Variants in SDK1 observed in about 807,000 individuals in gnomAD.
SDK1 encodes the protein sidekick cell adhesion molecule 1.
In SDK1, 157 loss-of-function variants were observed where a neutral mutation model predicts 245.5. The ratio of observed to expected loss-of-function variants is 0.64; its 90% confidence interval spans 0.56 to 0.73. The LOEUF is 0.73. Ranked by LOEUF, SDK1 falls within the 30% of genes least tolerant of loss-of-function variation. SDK1 has a pLI of 0.00. For missense variants in SDK1, 3,583 were observed against 3,002.3 expected (o/e 1.19, Z -4.52); for synonymous variants, 1,647 against 1,278.5 (o/e 1.29, Z -6.15).
chr7:3,956,507 C>T (rs1271273179), intron 7 of SDK1, among the ~76,000 whole-genome samples: 1 of 152,214 alleles, frequency 6.6e-6, no homozygotes, highest in East Asian at 1.9e-4. Context: ...GGCAGCTCTG[C>T]ACCTGCTCCC....
intron 2 of SDK1, among the ~76,000 whole-genome samples, chr7:3,626,850 A>G (rs572855435): frequency 2.6e-5 from 4 of 152,180 alleles, no homozygotes; most frequent in East Asian, 1.9e-4. Context: ...CTGTAATCCA[A>G]AAGAGCCTAA....
intron 5 of SDK1, among the ~76,000 whole-genome samples, chr7:3,874,198 A>T (rs1405272920): frequency 6.6e-6 from 1 of 151,984 alleles, no homozygotes; most frequent in Non-Finnish European, 1.5e-5. Flanking sequence ...CCCTCATTCT[A>T]CTCGAGGCCT....
intron 1 of SDK1, among the ~76,000 whole-genome samples, chr7:3,606,961 C>T (rs1045893019): frequency 6.6e-6 from 1 of 152,034 alleles, no homozygotes; most frequent in East Asian, 1.9e-4. Flanking sequence ...ATTTTGCAAT[C>T]AGGACACTAA....
chr7:3,978,965 C>G (rs74967832), intron 13 of SDK1, among the ~76,000 whole-genome samples: 2 of 152,174 alleles, frequency 1.3e-5, no homozygotes, highest in Admixed American at 6.5e-5. Context: ...CTGTTTGCCC[C>G]GAGTTTTACA....
rs556073780 is a variant in SDK1 at position 3,868,020 on chromosome 7, G to A, written c.847+46437G>A. ...TCGGAAAAACCCTATTTCATAACTCGAGAGTCATTTTTGTTTGAATGTTTC... is the reference window on the plus strand; with the variant it reads ...TCGGAAAAACCCTATTTCATAACTCAAGAGTCATTTTTGTTTGAATGTTTC... On this transcript the variant is annotated intron_variant, in intron 5 of 44. Transcript: ENST00000404826. Among the ~76,000 whole-genome samples the A allele has an allele frequency of 1.4e-4, 21 of 151,994 alleles. 2 individuals are homozygous for A. Among genetic ancestry groups the A allele is most frequent in the African/African-American group, 3.9e-4 (16 of 41,426 alleles).
chr7:3,850,969 G>A (rs1007710197), intron 5 of SDK1, among the ~76,000 whole-genome samples: 1 of 152,046 alleles, frequency 6.6e-6, no homozygotes, highest in African/African-American at 2.4e-5. Flanking sequence ...TAACAAACCT[G>A]CACGTTGTGC....
At chr7:3,980,361 CT>C (rs1196105820) in intron 13 of SDK1, among the ~76,000 whole-genome samples, 1 of 152,170 alleles carries the variant, frequency 6.6e-6, no homozygotes, top group Admixed American at 6.6e-5. Context: ...GGTTTTCCCC[CT>C]ATTCTCTTTC....
intron 4 of SDK1, among the ~76,000 whole-genome samples, chr7:3,672,296 C>T (rs966465415): frequency 3.7e-4 from 56 of 151,998 alleles, no homozygotes; most frequent in African/African-American, 1.3e-3. Flanking sequence ...ACCCATCACA[C>T]GTTATTCTAT....
chr7:3,543,803 G>A (rs1779125330), intron 1 of SDK1, among the ~76,000 whole-genome samples: 1 of 152,168 alleles, frequency 6.6e-6, no homozygotes, highest in African/African-American at 2.4e-5. Flanking sequence ...CTGTACGAAA[G>A]GATGATCTTT....
Position 4,098,824 on chromosome 7 carries a change from C to CTTTTT in SDK1, c.3325-11815_3325-11811dup, listed in dbSNP as rs58678214. 3.6e-5 allele frequency among the ~76,000 whole-genome samples: 3 copies of CTTTTT among 82,852 alleles called. 1 individual carries two copies. Among genetic ancestry groups the CTTTTT allele is most frequent in the Non-Finnish European group, 6.4e-5 (3 of 47,056 alleles). 54.4% of individuals were successfully genotyped at this position (82,852 alleles called of 152,430 possible). A position where few individuals can be genotyped will look rare whatever the true frequency, so the allele number is the denominator to read the frequency against. On this transcript the variant is annotated intron_variant, in intron 22 of 44. Coordinates refer to ENST00000404826, the MANE Select transcript of SDK1 (RefSeq NM_152744.4). ...GATTACAGGAGCACACCACAATGCC[C>CTTTTT]TTTTTTTTTTTTTTTTTTTTTTTTT...
At chr7:3,325,020 G>T (rs1426989648) in intron 1 of SDK1, among the ~76,000 whole-genome samples, 2 of 152,050 alleles carry the variant, frequency 1.3e-5, no homozygotes, top group African/African-American at 4.8e-5. Context: ...GCAGCTATTA[G>T]TTATGTTTCT....
At chr7:4,032,277 G>T (rs2128159022) in intron 17 of SDK1, among the ~76,000 whole-genome samples, 1 of 152,222 alleles carries the variant, frequency 6.6e-6, no homozygotes, top group South Asian at 2.1e-4. Context: ...TTTGATATTT[G>T]CCAATATTCA....
intron 5 of SDK1, among the ~76,000 whole-genome samples, chr7:3,830,750 G>T (rs1779893995): frequency 6.6e-6 from 1 of 152,128 alleles, no homozygotes; most frequent in Non-Finnish European, 1.5e-5. Flanking sequence ...TCCTGTCTCG[G>T]CCTCCCAAAG....
At chr7:3,489,942 C>G (rs1781818596) in intron 1 of SDK1, among the ~76,000 whole-genome samples, 3 of 152,118 alleles carry the variant, frequency 2.0e-5, no homozygotes, top group South Asian at 4.2e-4. Flanking sequence ...ATAAAATAGT[C>G]AAAGGCTAAT....
chr7:3,716,620 G>C (rs900538940), intron 4 of SDK1, among the ~76,000 whole-genome samples: 5 of 151,836 alleles, frequency 3.3e-5, no homozygotes, highest in African/African-American at 1.2e-4. Flanking sequence ...AATTAGCCAG[G>C]CGTGGTGCAC....
At chr7:4,058,105 A>G (rs1779312201) in intron 19 of SDK1, among the ~76,000 whole-genome samples, 1 of 152,202 alleles carries the variant, frequency 6.6e-6, no homozygotes, top group African/African-American at 2.4e-5. Context: ...AAATAATGAT[A>G]TTAAGGAAAG....
intron 4 of SDK1, among the ~76,000 whole-genome samples, chr7:3,717,333 A>G (rs1201018313): frequency 1.3e-5 from 2 of 152,232 alleles, no homozygotes; most frequent in African/African-American, 2.4e-5. Flanking sequence ...CAACTTCTAA[A>G]TAATCCATGT....
chr7:3,977,360 G>T (rs1364705627), intron 13 of SDK1, among the ~76,000 whole-genome samples: 8 of 116,940 alleles, frequency 6.8e-5, no homozygotes, highest in African/African-American at 2.3e-4. Flanking sequence ...GGGTCCCGGG[G>T]CTGAGGCTGC....
At chr7:4,194,161 C>T (rs149706328) in intron 35 of SDK1, among the ~76,000 whole-genome samples, 2,970 of 151,996 alleles carry the variant, frequency 0.02, 100 homozygotes, top group African/African-American at 0.068. Context: ...CTGTATTAGT[C>T]AGGGTTCCCT....
Sources: gnomAD v4.1 joint callset for allele counts (sites outside exome capture counted in the v4.1 genomes callset) on GRCh38, gnomAD v4.1.1 for gene constraint, MANE v1.5 for transcripts, NCBI Gene and HGNC (gene_info 2026-07-23, HGNC 2026-07-21) for gene names.